Variants in PRMT2 observed in about 807,000 individuals in gnomAD.
PRMT2 encodes the protein protein arginine methyltransferase 2.
PRMT2 carries 26 observed loss-of-function variants against 57.6 expected under a neutral mutation model. The observed-to-expected ratio is 0.45, with a 90% CI of 0.33 to 0.63. PRMT2 has a LOEUF of 0.63. PRMT2 is among the 20% of genes least tolerant of loss of function. The pLI, the probability that PRMT2 is intolerant of heterozygous loss-of-function variation, is 0.02. For missense variants in PRMT2, 472 were observed against 564.4 expected, an observed-to-expected ratio of 0.84 and a Z score of 1.66; for synonymous variants, 219 against 220.0, an observed-to-expected ratio of 1.00 and a Z score of 0.04.
chr21:46,664,754 G>T lies in PRMT2; in HGVS notation c.*427G>T. ...CCTTACTGCCGTCGCTCATCCACTC[G>T]TGTGGGACGTAGGATTGCACAGGGC... On this transcript the variant is annotated 3_prime_UTR_variant, in exon 12 of 12. Transcript: ENST00000355680. The T allele has an allele frequency of 4.3e-6, 1 of 234,858 alleles. No homozygotes were observed. The highest frequency in any genetic ancestry group is 8.6e-6 in the Non-Finnish European group (1 of 116,074). 14.5% of individuals were successfully genotyped at this position (234,858 alleles called of 1,614,324 possible). A position where few individuals can be genotyped will look rare whatever the true frequency, so the allele number is the denominator to read the frequency against.
At chr21:46,659,910 G>T in intron 8 of PRMT2, 1 of 985,404 alleles carries the variant, frequency 1.0e-6, no homozygotes, top group African/African-American at 1.7e-5. Context: ...AGTAAAGCTT[G>T]GCAGAATAAA....
intron 2 of PRMT2, 49 bp downstream of exon 2, chr21:46,636,596 A>G (rs2148956099): frequency 4.5e-6 from 1 of 222,968 alleles, no homozygotes; most frequent in East Asian, 1.1e-4. Context: ...TAAGAAATTA[A>G]TGAATACTGA....
chr21:46,640,176 G>A (rs1421644701), intron 3 of PRMT2, among the ~76,000 whole-genome samples: 3 of 152,056 alleles, frequency 2.0e-5, no homozygotes, highest in Non-Finnish European at 2.9e-5. Flanking sequence ...TACTGTTGAT[G>A]TAACATTTTA....
chr21:46,647,045 A>C (rs2061375645), intron 5 of PRMT2, among the ~76,000 whole-genome samples: 1 of 152,198 alleles, frequency 6.6e-6, no homozygotes, highest in Non-Finnish European at 1.5e-5. Flanking sequence ...ATTAAGTTTC[A>C]GTACATGGAT....
Position 46,664,479 on chromosome 21 carries a change from G to C in PRMT2, c.*152G>C. 1 of 1,014,640 alleles carries C rather than the reference G, an allele frequency of 9.9e-7. No homozygotes were observed. The allele number at this position is 1,014,640 out of a possible 1,614,324, so 62.9% of individuals were successfully genotyped here. On this transcript the variant is annotated 3_prime_UTR_variant, in exon 12 of 12. Transcript: ENST00000355680. Reference sequence around the variant, plus strand: ...CTCCCTAGCCTGGCAGGTGACGTCAGGGTCCTTCACAGACAAACACGCTTG... The same window carrying C: ...CTCCCTAGCCTGGCAGGTGACGTCACGGTCCTTCACAGACAAACACGCTTG...
chr21:46,653,070 A>C, intron 7 of PRMT2: 4 of 1,076,472 alleles, frequency 3.7e-6, no homozygotes, highest in Non-Finnish European at 4.6e-6. Flanking sequence ...TCGTGCTGTC[A>C]ATATGTGATG....
chr21:46,653,970 A>C (rs924044980), intron 7 of PRMT2: 10 of 1,005,686 alleles, frequency 9.9e-6, no homozygotes, highest in Non-Finnish European at 1.2e-5. Context: ...GCATTTCCGA[A>C]CTTTCACGTC....
intron 4 of PRMT2, among the ~76,000 whole-genome samples, 184 bp downstream of exon 4, chr21:46,643,823 G>C (rs7276092): frequency 0.9 from 136,723 of 152,288 alleles, 61,451 homozygotes; most frequent in African/African-American, 0.92. Flanking sequence ...GTAAAGATAC[G>C]AGGCATGGAG....
At chr21:46,658,973 A>T (rs977232151) in intron 8 of PRMT2, 53 bp downstream of exon 8, 1 of 1,576,664 alleles carries the variant, frequency 6.3e-7, no homozygotes, top group African/African-American at 1.3e-5. Context: ...CCTGGTCCAC[A>T]GTCTGCAGGT....
intron 8 of PRMT2, chr21:46,659,542 C>T (rs1346641044): frequency 3.1e-6 from 3 of 955,670 alleles, no homozygotes; most frequent in African/African-American, 1.8e-5. Context: ...ATAAAATTAC[C>T]AATAAATATA....
At chr21:46,644,607 G>A (rs2061333227) in intron 5 of PRMT2, 119 bp downstream of exon 5, 2 of 1,000,136 alleles carry the variant, frequency 2.0e-6, no homozygotes, top group Non-Finnish European at 2.8e-6. Flanking sequence ...CTCTGTTGTA[G>A]CCACTCAGCT....
At position 46,663,500 on chromosome 21, in the gene PRMT2, G is replaced by A; in HGVS notation, c.1215G>A (p.Met405Ile). 1 of 1,614,202 alleles carries A rather than the reference G, an allele frequency of 6.2e-7. No homozygotes were observed. Among genetic ancestry groups the A allele is most frequent in the Non-Finnish European group, 8.5e-7 (1 of 1,180,016 alleles). The change falls in exon 11 of 12, where the codon ATG becomes ATA. Residue 405 changes from methionine (M) to isoleucine (I), a missense_variant. Around this residue, in one of 2 missense-constraint regions of PRMT2, gnomAD observed 229 missense variants for 217.2 expected, o/e 1.05. Coordinates refer to ENST00000355680, the MANE Select transcript of PRMT2 (RefSeq NM_206962.4). ...LQRNPVWRRHMSVALSWAVTS... is the reference protein window; with the variant it reads ...LQRNPVWRRHISVALSWAVTS... ...GAAACCCAGTGTGGAGAAGGCACAT[G>A]TCTGTGGCTCTGAGCTGGGCTGTCA...
chr21:46,654,133 G>A (rs1601944181), intron 7 of PRMT2: 1 of 985,222 alleles, frequency 1.0e-6, no homozygotes, highest in East Asian at 1.1e-4. Flanking sequence ...AAATTTTTTT[G>A]ATGAAATTAT....
intron 7 of PRMT2, chr21:46,652,655 G>A: frequency 1.0e-6 from 1 of 985,278 alleles, no homozygotes; most frequent in Non-Finnish European, 1.2e-6. Context: ...AATTGGTAAA[G>A]CCTTTTGAAG....
chr21:46,664,474 C>A lies in PRMT2; in HGVS notation c.*147C>A. ...GACCCCTCCCTAGCCTGGCAGGTGA[C>A]GTCAGGGTCCTTCACAGACAAACAC... On this transcript the variant is annotated 3_prime_UTR_variant, in exon 12 of 12. Transcript: ENST00000355680. The A allele has an allele frequency of 9.7e-7, 1 of 1,035,496 alleles. No individual in the cohort carries two copies. The highest frequency in any genetic ancestry group is 1.5e-6 in the Non-Finnish European group (1 of 682,310). The allele number at this position is 1,035,496 out of a possible 1,614,324, so 64.1% of individuals were successfully genotyped here. A position where few individuals can be genotyped will look rare whatever the true frequency, so the allele number is the denominator to read the frequency against.
chr21:46,639,812 T>C (rs2061240285), intron 3 of PRMT2, among the ~76,000 whole-genome samples: 1 of 152,144 alleles, frequency 6.6e-6, no homozygotes, highest in African/African-American at 2.4e-5. Context: ...AGGTCTGTTT[T>C]TTTGTTTCTC....
intron 7 of PRMT2, chr21:46,653,709 C>T: frequency 2.4e-6 from 3 of 1,256,020 alleles, no homozygotes; most frequent in South Asian, 2.8e-5. Flanking sequence ...GTTCTGGTGC[C>T]CACACGCACA....
rs2277829 is a variant in PRMT2 at position 46,635,690 on chromosome 21, G to T, written c.-239G>T. 11,291 of 152,512 alleles carry T rather than the reference G, an allele frequency of 0.074. 619 individuals are homozygous for T. The highest frequency in any genetic ancestry group is 0.33 in the East Asian group (1,711 of 5,164). 9.4% of individuals were successfully genotyped at this position (152,512 alleles called of 1,614,324 possible). ...GCGCGGGTTGAGGGCGGTGGCTCAG[G>T]CTCCTGGAAAGGACCGTCCACCCCT... On this transcript the variant is annotated 5_prime_UTR_variant, in exon 1 of 12. Coordinates refer to ENST00000355680, the MANE Select transcript of PRMT2 (RefSeq NM_206962.4).
Position 46,648,725 on chromosome 21 carries a change from C to A in PRMT2, c.489+106C>A. The stretch of plus-strand genomic sequence containing the variant: ...GTGACCCTGAGCTGTTGGGGGCTCA[C>A]CGGTGACTCCATGGTCTTGTTGAGC... On this transcript the variant is annotated intron_variant, in intron 6 of 11. Coordinates refer to ENST00000355680, the MANE Select transcript of PRMT2 (RefSeq NM_206962.4). The surrounding 1 kb of genome is among the most constrained non-coding windows in gnomAD (Gnocchi z 4.8). The A allele has an allele frequency of 1.4e-6, 2 of 1,402,164 alleles. No individual in the cohort carries two copies. The highest frequency in any genetic ancestry group is 2.0e-6 in the Non-Finnish European group (2 of 1,017,976). The allele number at this position is 1,402,164 out of a possible 1,614,324, so 86.9% of individuals were successfully genotyped here.
Sources: gnomAD v4.1 joint callset for allele counts (sites outside exome capture counted in the v4.1 genomes callset) on GRCh38, gnomAD v4.1.1 for gene constraint, gnomAD v4.1.1 regional missense constraint, Gnocchi (gnomAD v3.1) non-coding constraint, MANE v1.5 for transcripts, NCBI Gene and HGNC (gene_info 2026-07-23, HGNC 2026-07-21) for gene names.